Variants in OCA2 observed in about 807,000 individuals in gnomAD.
OCA2 encodes the protein P protein.
Under a neutral mutation model 100.2 loss-of-function variants are expected in OCA2, and 77 were observed. The observed-to-expected ratio is 0.77, with a 90% confidence interval of 0.64 to 0.93. The LOEUF (loss-of-function observed/expected upper bound fraction) is 0.93. Ranked by LOEUF, OCA2 falls within the 40% of genes least tolerant of loss-of-function variation. OCA2 has a pLI of 0.00. For synonymous variants in OCA2, 432 were observed against 439.2 expected (o/e 0.98, Z 0.21); for missense variants, 1,062 against 1,089.1 (o/e 0.98, Z 0.35).
chr15:27,942,101 G>C (rs187497816), intron 18 of OCA2, among the ~76,000 whole-genome samples: 1 of 151,804 alleles, frequency 6.6e-6, no homozygotes, highest in East Asian at 1.9e-4. Flanking sequence ...AGTTAGGCAG[G>C]GTTTCTAAAA....
At chr15:27,807,294 T>C (rs1344288267) in intron 23 of OCA2, among the ~76,000 whole-genome samples, 1 of 152,054 alleles carries the variant, frequency 6.6e-6, no homozygotes, top group East Asian at 1.9e-4. Flanking sequence ...ACCCCCACTC[T>C]CCTGACTTCC....
intron 14 of OCA2, among the ~76,000 whole-genome samples, chr15:27,982,192 C>T (rs1299552668): frequency 6.6e-6 from 1 of 152,086 alleles, no homozygotes; most frequent in Non-Finnish European, 1.5e-5. Context: ...CTCTAGGATG[C>T]TATTTGCACC....
chr15:28,059,829 C>A (rs371227854), intron 2 of OCA2, among the ~76,000 whole-genome samples: 3 of 152,176 alleles, frequency 2.0e-5, no homozygotes, highest in Non-Finnish European at 2.9e-5. Flanking sequence ...TATAACCGGC[C>A]GCTAGTCCCC....
intron 23 of OCA2, among the ~76,000 whole-genome samples, chr15:27,779,947 G>C (rs2032451623): frequency 6.6e-6 from 1 of 152,058 alleles, no homozygotes; most frequent in South Asian, 2.1e-4. Flanking sequence ...TATACCTATA[G>C]ATGACAATAC....
the OCA2 span, among the ~76,000 whole-genome samples, chr15:27,736,772 A>T: frequency 6.6e-6 from 1 of 152,216 alleles, no homozygotes; most frequent in Non-Finnish European, 1.5e-5. Flanking sequence ...CACAGCCAAC[A>T]TCATATTGAA....
At chr15:27,805,920 G>A (rs891406197) in intron 23 of OCA2, among the ~76,000 whole-genome samples, 4 of 152,364 alleles carry the variant, frequency 2.6e-5, no homozygotes, top group African/African-American at 9.6e-5. Context: ...AGAGCACCCT[G>A]GCCTCCGCCC....
intron 19 of OCA2, among the ~76,000 whole-genome samples, chr15:27,874,156 C>T (rs1027377683): frequency 6.6e-6 from 1 of 152,166 alleles, no homozygotes; most frequent in African/African-American, 2.4e-5. Flanking sequence ...CAAATGGACC[C>T]TAGATAAAAC....
intron 23 of OCA2, among the ~76,000 whole-genome samples, chr15:27,787,210 C>T (rs1056602141): frequency 6.6e-6 from 1 of 152,088 alleles, no homozygotes; most frequent in Admixed American, 6.5e-5. Flanking sequence ...AGAATTTCTG[C>T]ATCTACATTC....
At chr15:28,033,111 G>A (rs1225222468) in intron 2 of OCA2, among the ~76,000 whole-genome samples, 1 of 152,204 alleles carries the variant, frequency 6.6e-6, no homozygotes, top group Non-Finnish European at 1.5e-5. Flanking sequence ...TTTAAATCAG[G>A]AGCTTGTGGA....
At chr15:27,851,587 G>T in intron 21 of OCA2, 112 bp from the exon 22 acceptor site, 2 of 886,342 alleles carry the variant, frequency 2.3e-6, no homozygotes, top group Non-Finnish European at 3.7e-6. Flanking sequence ...ACTCTAAGGA[G>T]CATAAGATTT....
chr15:28,017,035 T>G (rs2042416389), intron 7 of OCA2, among the ~76,000 whole-genome samples: 1 of 127,648 alleles, frequency 7.8e-6, no homozygotes. Flanking sequence ...TGCAGGAGAG[T>G]GATCACCTGG....
chr15:28,015,462 A>G (rs752906471), intron 8 of OCA2, among the ~76,000 whole-genome samples: 2 of 152,200 alleles, frequency 1.3e-5, no homozygotes, highest in Non-Finnish European at 2.9e-5. Flanking sequence ...GAGTACCTCC[A>G]AATGTGACTG....
chr15:27,894,945 A>G (rs918658958), intron 19 of OCA2, among the ~76,000 whole-genome samples: 2 of 152,210 alleles, frequency 1.3e-5, no homozygotes, highest in Non-Finnish European at 2.9e-5. Context: ...TGGACCTTGC[A>G]TATTTAAGGT....
rs536181636 is a variant in OCA2, at chr15:28,013,084, C to T, written c.1044+1692G>A. 6.6e-5 allele frequency among the ~76,000 whole-genome samples: 10 copies of T among 152,236 alleles called. No homozygotes were observed. The South Asian group carries it at 1.9e-3, about 28-fold the overall frequency. ...CCACCTCAACTCCCTGAGCATTCTC[C>T]GCACCCCTGACAGCAGGACATCCAG... On this transcript the variant is annotated intron_variant, in intron 9 of 23. Coordinates refer to ENST00000354638, the MANE Select transcript of OCA2 (RefSeq NM_000275.3).
At chr15:27,850,126 A>G (rs2035692029) in intron 22 of OCA2, among the ~76,000 whole-genome samples, 1 of 152,128 alleles carries the variant, frequency 6.6e-6, no homozygotes, top group African/African-American at 2.4e-5. Flanking sequence ...CATTGATCCT[A>G]CATGTTTTGG....
chr15:28,096,480 A>T (rs1434785908), intron 1 of OCA2, among the ~76,000 whole-genome samples: 1 of 152,092 alleles, frequency 6.6e-6, no homozygotes, highest in African/African-American at 2.4e-5. Context: ...AGGGGGCAGG[A>T]GAAGCCCTGC....
At chr15:27,921,881 T>G (rs1347467052) in intron 19 of OCA2, among the ~76,000 whole-genome samples, 1 of 152,158 alleles carries the variant, frequency 6.6e-6, no homozygotes, top group African/African-American at 2.4e-5. Flanking sequence ...TTTAATATTT[T>G]TATAGAGATG....
At chr15:27,966,464 T>C (rs1392517438) in intron 15 of OCA2, among the ~76,000 whole-genome samples, 1 of 152,176 alleles carries the variant, frequency 6.6e-6, no homozygotes, top group African/African-American at 2.4e-5. Flanking sequence ...TGGTGGCCAT[T>C]ACTTCCCACA....
chr15:27,985,818 G>A lies in OCA2; in HGVS notation c.1240-630C>T, dbSNP rs544566109. Among the ~76,000 whole-genome samples, 13 of 151,666 alleles carry A rather than the reference G, an allele frequency of 8.6e-5. No homozygotes were observed. The East Asian group carries it at 1.2e-3, about 14-fold the overall frequency. The stretch of plus-strand genomic sequence containing the variant: ...AGCAATTCTCTCGCCTCAGCCTCCC[G>A]AGTAGCTGGGATTACAGGCGTGTGC... On this transcript the variant is annotated intron_variant, in intron 12 of 23. Transcript: ENST00000354638.
Sources: gnomAD v4.1 joint callset for allele counts (sites outside exome capture counted in the v4.1 genomes callset) on GRCh38, gnomAD v4.1.1 for gene constraint, MANE v1.5 for transcripts, NCBI Gene and HGNC (gene_info 2026-07-23, HGNC 2026-07-21) for gene names.